The following SMYD3 variants were observed in gnomAD, a reference collection of about 807,000 sequenced individuals.
SMYD3 encodes SET and MYND domain containing 3, also known as histone-lysine N-methyltransferase SMYD3.
A neutral mutation model predicts 57.7 loss-of-function variants in SMYD3; 36 were observed. The observed-to-expected ratio is 0.62, with a 90% CI of 0.48 to 0.82. SMYD3 has a LOEUF of 0.82. SMYD3 is among the 40% of genes least tolerant of loss of function. The probability of loss-of-function intolerance (pLI) is 0.00; values close to 1 mark genes in which losing one functional copy is unlikely to be tolerated. For synonymous variants in SMYD3, 211 were observed against 195.0 expected, an observed-to-expected ratio of 1.08 and a Z score of -0.68; for missense variants, 515 against 538.8, an observed-to-expected ratio of 0.96 and a Z score of 0.44.
chr1:245,768,214 G>T (rs1018474190), intron 10 of SMYD3, among the ~76,000 whole-genome samples: 3 of 152,156 alleles, frequency 2.0e-5, no homozygotes, highest in Admixed American at 6.5e-5. Flanking sequence ...GCTTGGCCTA[G>T]ATTGGAAAAA....
chr1:245,787,588 C>T (rs2047098195), intron 10 of SMYD3, among the ~76,000 whole-genome samples: 2 of 151,478 alleles, frequency 1.3e-5, no homozygotes, highest in South Asian at 4.2e-4. Context: ...GTCAAAACTT[C>T]CAAGCCTCCT....
chr1:246,193,116 A>T (rs73143356), intron 5 of SMYD3, among the ~76,000 whole-genome samples: 2,718 of 152,272 alleles, frequency 0.018, 78 homozygotes, highest in African/African-American at 0.063. Flanking sequence ...AGTATTCCTC[A>T]TTAGAAGTAT....
chr1:246,329,619 A>C (rs2065425640), intron 4 of SMYD3, among the ~76,000 whole-genome samples: 1 of 151,986 alleles, frequency 6.6e-6, no homozygotes, highest in African/African-American at 2.4e-5. Flanking sequence ...AGGTTGCAAA[A>C]ATTTTCTCCC....
At chr1:245,950,995 C>A (rs12093515) in intron 5 of SMYD3, among the ~76,000 whole-genome samples, 1 of 152,066 alleles carries the variant, frequency 6.6e-6, no homozygotes, top group Non-Finnish European at 1.5e-5. Context: ...TTGAACACTC[C>A]GGCATATTAG....
At chr1:246,083,399 T>C (rs1402096100) in intron 5 of SMYD3, among the ~76,000 whole-genome samples, 5 of 151,248 alleles carry the variant, frequency 3.3e-5, no homozygotes, top group African/African-American at 1.2e-4. Context: ...GTTCACATGT[T>C]TTCCTGCAGA....
intron 5 of SMYD3, among the ~76,000 whole-genome samples, chr1:246,260,592 A>C (rs1343543288): frequency 6.6e-6 from 1 of 152,056 alleles, no homozygotes; most frequent in Non-Finnish European, 1.5e-5. Flanking sequence ...CTGGGCCTAC[A>C]GAGCTAATTT....
chr1:245,917,034 TA>T (rs35610259), intron 7 of SMYD3, among the ~76,000 whole-genome samples: 8,977 of 144,312 alleles, frequency 0.062, 531 homozygotes, highest in African/African-American at 0.14. Flanking sequence ...CATTGGGCTT[TA>T]AAAAAAAAAA....
At chr1:245,863,727 A>T (rs61830203) in intron 9 of SMYD3, 72 bp downstream of exon 9, 948,788 of 1,442,348 alleles carry the variant, frequency 0.66, 330,582 homozygotes, top group Non-Finnish European at 0.73. Flanking sequence ...CTCTGACCTC[A>T]TTACGACAGG....
At chr1:246,012,200 CT>C (rs1476656651) in intron 5 of SMYD3, among the ~76,000 whole-genome samples, 1 of 152,168 alleles carries the variant, frequency 6.6e-6, no homozygotes, top group Non-Finnish European at 1.5e-5. Context: ...AATAGAAAGC[CT>C]TAGGCTCCAT....
chr1:245,847,882 C>T (rs1291690330), intron 10 of SMYD3, among the ~76,000 whole-genome samples: 1 of 152,138 alleles, frequency 6.6e-6, no homozygotes, highest in Non-Finnish European at 1.5e-5. Flanking sequence ...GAAGCCTAAA[C>T]ACAATTTCTC....
At chr1:246,466,936 G>A (rs59998811) in intron 1 of SMYD3, among the ~76,000 whole-genome samples, 7,075 of 152,236 alleles carry the variant, frequency 0.046, 529 homozygotes, top group African/African-American at 0.16. Flanking sequence ...GGGAGGCCAA[G>A]GCAGGTGGAT....
chr1:246,253,334 A>C (rs1181410116), intron 5 of SMYD3, among the ~76,000 whole-genome samples: 1 of 152,146 alleles, frequency 6.6e-6, no homozygotes, highest in Non-Finnish European at 1.5e-5. Context: ...TGAGTACCCA[A>C]TGTTTAGCTC....
chr1:246,372,805 A>T (rs1472351893), intron 1 of SMYD3, among the ~76,000 whole-genome samples: 1 of 152,214 alleles, frequency 6.6e-6, no homozygotes, highest in Non-Finnish European at 1.5e-5. Context: ...AATGCAGTAT[A>T]ACAAAAAGGG....
chr1:246,045,014 C>T (rs1415358220), intron 5 of SMYD3, among the ~76,000 whole-genome samples: 1 of 152,202 alleles, frequency 6.6e-6, no homozygotes, highest in African/African-American at 2.4e-5. Context: ...ATTCCATGCT[C>T]ATGGATAGGA....
chr1:246,326,522 C>T (rs2065353202), intron 5 of SMYD3: 12 of 528,538 alleles, frequency 2.3e-5, no homozygotes, highest in Non-Finnish European at 4.0e-5. Flanking sequence ...GCCTGTAATC[C>T]CAGCACTTTG....
At chr1:245,797,646 C>T (rs2047594354) in intron 10 of SMYD3, among the ~76,000 whole-genome samples, 1 of 151,404 alleles carries the variant, frequency 6.6e-6, no homozygotes, top group African/African-American at 2.4e-5. Flanking sequence ...GCACGTTGTG[C>T]ACATGTACCC....
At chr1:246,237,604 A>G (rs2063532726) in intron 5 of SMYD3, among the ~76,000 whole-genome samples, 1 of 152,198 alleles carries the variant, frequency 6.6e-6, no homozygotes, top group Admixed American at 6.5e-5. Context: ...ATTTTTCAAA[A>G]TATCTTTATT....
At chr1:245,820,303 T>C (rs942121356) in intron 10 of SMYD3, among the ~76,000 whole-genome samples, 1 of 151,652 alleles carries the variant, frequency 6.6e-6, no homozygotes, top group African/African-American at 2.4e-5. Context: ...ACCAAATGAC[T>C]ATCTCAATAG....
chr1:246,502,228 T>A (rs1198473935), intron 1 of SMYD3, among the ~76,000 whole-genome samples: 1 of 150,352 alleles, frequency 6.7e-6, no homozygotes, highest in East Asian at 2.0e-4. Context: ...AACCTCCACC[T>A]CCTGGGCTCA....
Sources: gnomAD v4.1 joint callset for allele counts (sites outside exome capture counted in the v4.1 genomes callset) on GRCh38, gnomAD v4.1.1 for gene constraint, MANE v1.5 for transcripts, NCBI Gene and HGNC (gene_info 2026-07-23, HGNC 2026-07-21) for gene names.